Variants in PTN observed in about 807,000 individuals in gnomAD.
PTN encodes heparin affin regulatory protein.
PTN carries 18 observed loss-of-function variants against 24.1 expected under a neutral mutation model. The observed-to-expected ratio is 0.75, with a 90% CI of 0.52 to 1.11. The LOEUF is 1.11. Ranked by LOEUF, PTN falls within the 50% of genes least tolerant of loss-of-function variation. PTN has a pLI of 0.00. For missense variants in PTN, 163 were observed against 198.8 expected (o/e 0.82, Z 1.08); for synonymous variants, 78 against 68.6 (o/e 1.14, Z -0.67).
At chr7:137,302,348 A>C (rs1809819861) in intron 1 of PTN, among the ~76,000 whole-genome samples, 1 of 152,048 alleles carries the variant, frequency 6.6e-6, no homozygotes, top group African/African-American at 2.4e-5. Context: ...GAACCTTGTC[A>C]GTATAGTAAC....
At chr7:137,293,605 T>C (rs1003993773) in intron 1 of PTN, among the ~76,000 whole-genome samples, 11 of 152,068 alleles carry the variant, frequency 7.2e-5, no homozygotes, top group African/African-American at 1.9e-4. Context: ...TGTCCTGACT[T>C]TACTTTTTTT....
At chr7:137,248,184 A>G (rs1808757548) in intron 4 of PTN, among the ~76,000 whole-genome samples, 1 of 152,242 alleles carries the variant, frequency 6.6e-6, no homozygotes, top group Non-Finnish European at 1.5e-5. Flanking sequence ...AAAATTAGAG[A>G]CGTGCAAAGG....
At chr7:137,320,953 A>C (rs1055140397) in intron 1 of PTN, among the ~76,000 whole-genome samples, 4 of 152,114 alleles carry the variant, frequency 2.6e-5, no homozygotes, top group Admixed American at 2.0e-4. Context: ...TTCTGGCTTT[A>C]TTTTTCACAG....
At chr7:137,307,771 C>T (rs1162967902) in intron 1 of PTN, among the ~76,000 whole-genome samples, 1 of 152,072 alleles carries the variant, frequency 6.6e-6, no homozygotes, top group Non-Finnish European at 1.5e-5. Flanking sequence ...ACCAACAACC[C>T]TGCCCAATAG....
chr7:137,269,926 C>A (rs1039536870), intron 1 of PTN, among the ~76,000 whole-genome samples: 1 of 152,238 alleles, frequency 6.6e-6, no homozygotes, highest in African/African-American at 2.4e-5. Context: ...CCACCGCGCC[C>A]AGCCTGCTCC....
intron 1 of PTN, among the ~76,000 whole-genome samples, chr7:137,299,006 T>C (rs780395289): frequency 1.3e-5 from 2 of 151,912 alleles, no homozygotes; most frequent in African/African-American, 2.4e-5. Flanking sequence ...TAAGTACCGA[T>C]AGCAAAGAAA....
intron 1 of PTN, among the ~76,000 whole-genome samples, chr7:137,338,196 A>C (rs1157618109): frequency 6.6e-6 from 1 of 152,160 alleles, no homozygotes; most frequent in Non-Finnish European, 1.5e-5. Context: ...CTGAAGTACA[A>C]GGATTTGCCT....
intron 3 of PTN, 144 bp from the exon 4 acceptor site, chr7:137,251,535 T>G (rs1481990806): frequency 3.4e-6 from 3 of 894,348 alleles, no homozygotes; most frequent in Non-Finnish European, 5.1e-6. Flanking sequence ...ACAGAGTGTA[T>G]GCGTGTGTAT....
At chr7:137,230,621 C>A (rs1309701223) in intron 4 of PTN, among the ~76,000 whole-genome samples, 1 of 151,606 alleles carries the variant, frequency 6.6e-6, no homozygotes. Flanking sequence ...TGCTTCCAAT[C>A]GAAAGCAGTT....
intron 1 of PTN, among the ~76,000 whole-genome samples, chr7:137,259,490 G>C (rs1329787920): frequency 6.6e-6 from 1 of 151,940 alleles, no homozygotes; most frequent in African/African-American, 2.4e-5. Flanking sequence ...AATTACTTGA[G>C]AGACTTGTCA....
intron 1 of PTN, among the ~76,000 whole-genome samples, chr7:137,310,129 T>C (rs558547193): frequency 1.3e-5 from 2 of 152,320 alleles, no homozygotes; most frequent in African/African-American, 2.4e-5. Context: ...AAAATCCTGA[T>C]ACATTTCCAT....
chr7:137,277,798 G>A (rs966399750), intron 1 of PTN, among the ~76,000 whole-genome samples: 4 of 151,946 alleles, frequency 2.6e-5, no homozygotes, highest in African/African-American at 9.7e-5. Context: ...TCAAACTCCT[G>A]GGTTCAAGTG....
At position 137,330,747 on chromosome 7, in the gene PTN, C is replaced by T. The variant is rs191274319; in HGVS notation, c.-2+12692G>A. On this transcript the variant is annotated intron_variant, in intron 1 of 4. Coordinates refer to ENST00000348225, the MANE Select transcript of PTN (RefSeq NM_002825.7). ...ATATTGCTTTGTCTTGAAACACTCC[C>T]TCTGAGAAAAACAAGAAGAGGACCA... is the stretch of plus-strand genomic sequence containing the variant. 6.6e-3 allele frequency among the ~76,000 whole-genome samples: 1,004 copies of T among 152,276 alleles called. 17 individuals carry two copies. Among genetic ancestry groups the T allele is most frequent in the Non-Finnish European group, 9.2e-3 (623 of 68,014 alleles).
rs148543146 is a variant in PTN at position 137,244,601 on chromosome 7, A to G, written c.451+6629T>C. Reference sequence around the variant, plus strand: ...TGTGTCCAAGTGTTCTCATTGTTCAATTCCCACTTATGAGTGAGAACATGC... The same window carrying G: ...TGTGTCCAAGTGTTCTCATTGTTCAGTTCCCACTTATGAGTGAGAACATGC... On this transcript the variant is annotated intron_variant, in intron 4 of 4. Coordinates refer to ENST00000348225, the MANE Select transcript of PTN (RefSeq NM_002825.7). 9.2e-5 allele frequency among the ~76,000 whole-genome samples: 14 copies of G among 151,484 alleles called. No individual in the cohort carries two copies. In the East Asian group the frequency reaches 2.4e-3, roughly 25 times the overall value.
chr7:137,262,733 C>T (rs1809064649), intron 1 of PTN, among the ~76,000 whole-genome samples: 3 of 152,244 alleles, frequency 2.0e-5, no homozygotes, highest in South Asian at 2.1e-4. Context: ...CTGTGAGCAC[C>T]GATGGACAGA....
intron 1 of PTN, among the ~76,000 whole-genome samples, chr7:137,335,987 T>G (rs1236882221): frequency 1.3e-5 from 2 of 151,572 alleles, no homozygotes; most frequent in African/African-American, 4.9e-5. Context: ...TCGCACATCT[T>G]ACCTCCTCCT....
intron 1 of PTN, among the ~76,000 whole-genome samples, chr7:137,277,018 CA>C (rs1405598172): frequency 6.6e-6 from 1 of 152,126 alleles, no homozygotes; most frequent in African/African-American, 2.4e-5. Flanking sequence ...ATAAATTATA[CA>C]ACTATATGTT....
At chr7:137,320,581 A>T (rs1292794810) in intron 1 of PTN, among the ~76,000 whole-genome samples, 1 of 152,210 alleles carries the variant, frequency 6.6e-6, no homozygotes, top group East Asian at 1.9e-4. Flanking sequence ...AACGGGAAAA[A>T]TTCCCTGGGA....
At chr7:137,251,643 C>T (rs1329311223) in intron 3 of PTN, among the ~76,000 whole-genome samples, 3 of 148,968 alleles carry the variant, frequency 2.0e-5, no homozygotes, top group African/African-American at 7.8e-5. Flanking sequence ...TATACAGTCC[C>T]AATACAACAG....
Sources: allele counts gnomAD v4.1 joint callset (sites outside exome capture counted in the v4.1 genomes callset), GRCh38; gene constraint gnomAD v4.1.1; transcripts MANE v1.5; gene names NCBI Gene and HGNC (gene_info 2026-07-23, HGNC 2026-07-21).